The following VWC2 variants were observed in gnomAD, a reference collection of about 807,000 sequenced individuals.
VWC2 encodes the protein von Willebrand factor C domain containing 2.
Under a neutral mutation model 29.8 loss-of-function variants are expected in VWC2, and 14 were observed. The ratio of observed to expected loss-of-function variants is 0.47; its 90% confidence interval spans 0.31 to 0.74. The LOEUF is 0.74. Ranked by LOEUF, VWC2 falls within the 30% of genes least tolerant of loss-of-function variation. VWC2 has a pLI of 0.05. For missense variants in VWC2, 457 were observed against 459.8 expected (o/e 0.99, Z 0.05); for synonymous variants, 213 against 199.0 (o/e 1.07, Z -0.59).
Position 49,891,097 on chromosome 7 carries a change from A to G in VWC2, c.827-20937A>G, listed in dbSNP as rs546530812. ...CAAAGATTTTCAAACACAGTTTCTT[A>G]AACTCCATATTCTGCTTTCAAGGGA... On this transcript the variant is annotated intron_variant, in intron 3 of 3. Transcript: ENST00000340652. 2.6e-5 allele frequency among the ~76,000 whole-genome samples: 4 copies of G among 152,338 alleles called. No individual in the cohort carries two copies. The East Asian group carries it at 7.7e-4, about 29-fold the overall frequency.
At chr7:49,807,165 G>C (rs1788898366) in intron 3 of VWC2, among the ~76,000 whole-genome samples, 1 of 152,126 alleles carries the variant, frequency 6.6e-6, no homozygotes, top group Non-Finnish European at 1.5e-5. Context: ...TAAAAGGAGG[G>C]ATATATCATG....
intron 3 of VWC2, among the ~76,000 whole-genome samples, chr7:49,832,545 C>T (rs1468953252): frequency 6.6e-6 from 1 of 152,148 alleles, no homozygotes; most frequent in Non-Finnish European, 1.5e-5. Flanking sequence ...ACTTTCCTTA[C>T]AGGGTTAAAA....
intron 3 of VWC2, among the ~76,000 whole-genome samples, chr7:49,863,426 C>T (rs948042515): frequency 2.6e-5 from 4 of 151,932 alleles, no homozygotes; most frequent in Non-Finnish European, 5.9e-5. Context: ...TTCTCTCTCC[C>T]TTTTTTTCTT....
intron 3 of VWC2, among the ~76,000 whole-genome samples, chr7:49,833,915 T>C (rs1006429190): frequency 2.4e-4 from 36 of 152,118 alleles, no homozygotes; most frequent in Non-Finnish European, 2.1e-4. Flanking sequence ...GCTATATAGG[T>C]TTCAAGATCA....
chr7:49,843,531 C>G (rs912722078), intron 3 of VWC2, among the ~76,000 whole-genome samples: 1 of 152,196 alleles, frequency 6.6e-6, no homozygotes. Context: ...GACTATTTTA[C>G]TCAAGTAAAA....
intron 3 of VWC2, among the ~76,000 whole-genome samples, chr7:49,838,631 C>T (rs891407355): frequency 2.0e-5 from 3 of 151,966 alleles, no homozygotes; most frequent in Non-Finnish European, 4.4e-5. Flanking sequence ...TGGAGTAGAA[C>T]GTGGCTCCGT....
intron 3 of VWC2, among the ~76,000 whole-genome samples, chr7:49,807,149 C>T (rs914888655): frequency 6.6e-6 from 1 of 152,002 alleles, no homozygotes; most frequent in African/African-American, 2.4e-5. Context: ...TTAAAGAAGA[C>T]CTAAGTAAAA....
chr7:49,873,814 GATTA>G (rs572638554), intron 3 of VWC2, among the ~76,000 whole-genome samples: 71 of 151,688 alleles, frequency 4.7e-4, no homozygotes, highest in African/African-American at 1.5e-3. Flanking sequence ...GAGAAAAATG[GATTA>G]ATTAATTATG....
At chr7:49,844,453 C>T (rs1789871968) in intron 3 of VWC2, among the ~76,000 whole-genome samples, 1 of 152,138 alleles carries the variant, frequency 6.6e-6, no homozygotes, top group East Asian at 1.9e-4. Context: ...AAAATATTGT[C>T]CTATAAATAC....
chr7:49,860,335 G>T (rs890806680), intron 3 of VWC2, among the ~76,000 whole-genome samples: 6 of 152,176 alleles, frequency 3.9e-5, no homozygotes, highest in Non-Finnish European at 5.9e-5. Flanking sequence ...TATTTCACAT[G>T]AGTAGACTCA....
chr7:49,788,954 T>G (rs1189288231), intron 2 of VWC2, among the ~76,000 whole-genome samples: 1 of 144,008 alleles, frequency 6.9e-6, no homozygotes, highest in Non-Finnish European at 1.5e-5. Context: ...TGTGGGTGCA[T>G]GTGTGTGCAT....
At chr7:49,806,609 A>T (rs758383200) in intron 3 of VWC2, among the ~76,000 whole-genome samples, 2 of 152,222 alleles carry the variant, frequency 1.3e-5, no homozygotes, top group Non-Finnish European at 2.9e-5. Flanking sequence ...GAAAATATGT[A>T]AGAAGCACTG....
chr7:49,889,198 G>A lies in VWC2; in HGVS notation c.827-22836G>A, dbSNP rs968494994. Among the ~76,000 whole-genome samples the A allele has an allele frequency of 7.9e-5, 12 of 152,312 alleles. No individual in the cohort carries two copies. The South Asian group carries it at 1.2e-3, about 16-fold the overall frequency. On this transcript the variant is annotated intron_variant, in intron 3 of 3. Transcript: ENST00000340652. ...ATAGTCACATCACAAACAAGCTGAT[G>A]TTTGTGACTTTTAAAATATATTAAT...
At chr7:49,892,996 C>T (rs183343813) in intron 3 of VWC2, among the ~76,000 whole-genome samples, 1 of 152,304 alleles carries the variant, frequency 6.6e-6, no homozygotes, top group African/African-American at 2.4e-5. Context: ...ATTTATTTGA[C>T]AGCGGGGACA....
chr7:49,915,664 G>T lies in VWC2; in HGVS notation c.*3479G>T, dbSNP rs1319108285. On this transcript the variant is annotated 3_prime_UTR_variant, in exon 4 of 4. Transcript: ENST00000340652. Reference sequence around the variant, plus strand: ...AAACTAAATCCATTATTTTAAATGTGGACTATTTAAACATGTAGAAAACAA... The same window carrying T: ...AAACTAAATCCATTATTTTAAATGTTGACTATTTAAACATGTAGAAAACAA... The T allele has an allele frequency of 7.9e-5, 12 of 151,866 alleles. No individual in the cohort carries two copies. The highest frequency in any genetic ancestry group is 7.9e-4 in the Admixed American group (12 of 15,242). 9.4% of individuals were successfully genotyped at this position (151,866 alleles called of 1,614,324 possible). A position where few individuals can be genotyped will look rare whatever the true frequency, so the allele number is the denominator to read the frequency against.
intron 3 of VWC2, among the ~76,000 whole-genome samples, chr7:49,911,303 GA>G (rs1388459846): frequency 2.0e-5 from 3 of 151,868 alleles, no homozygotes; most frequent in African/African-American, 7.2e-5. Flanking sequence ...CCAACATGGT[GA>G]AACCCAATCT....
At chr7:49,907,990 A>G (rs1475310338) in intron 3 of VWC2, among the ~76,000 whole-genome samples, 1 of 152,178 alleles carries the variant, frequency 6.6e-6, no homozygotes, top group Non-Finnish European at 1.5e-5. Flanking sequence ...CTGGAAAGGG[A>G]AGGGGATTGT....
intron 3 of VWC2, among the ~76,000 whole-genome samples, chr7:49,903,144 C>T (rs1223786618): frequency 6.6e-6 from 1 of 152,096 alleles, no homozygotes; most frequent in East Asian, 1.9e-4. Flanking sequence ...AAACTGGATT[C>T]GTGGTTGGAC....
At chr7:49,794,858 TC>T (rs1279829194) in intron 2 of VWC2, among the ~76,000 whole-genome samples, 3 of 152,176 alleles carry the variant, frequency 2.0e-5, no homozygotes, top group Non-Finnish European at 4.4e-5. Context: ...TCCCAATCCT[TC>T]CCACCTGACT....
Sources: gnomAD v4.1 joint callset for allele counts (sites outside exome capture counted in the v4.1 genomes callset) on GRCh38, gnomAD v4.1.1 for gene constraint, MANE v1.5 for transcripts, NCBI Gene and HGNC (gene_info 2026-07-23, HGNC 2026-07-21) for gene names.